Variants in AK9 observed in about 807,000 individuals in gnomAD.
AK9 encodes the protein adenylate kinase 9, also known as adenylate kinase domain containing 1.
AK9 carries 191 observed loss-of-function variants against 239.6 expected under a neutral mutation model. The observed-to-expected ratio is 0.80, with a 90% CI of 0.71 to 0.90. The LOEUF is 0.90. Among genes scored for constraint, AK9 ranks in the 40% least tolerant of loss-of-function variants. AK9 has a pLI of 0.00. For missense variants in AK9, 1,995 were observed against 2,214.7 expected (o/e 0.90, Z 1.99); for synonymous variants, 689 against 721.0 (o/e 0.96, Z 0.71).
At chr6:109,590,628 ATCTT>A (rs1249890937) in intron 17 of AK9, among the ~76,000 whole-genome samples, 5 of 151,842 alleles carry the variant, frequency 3.3e-5, no homozygotes, top group African/African-American at 1.2e-4. Context: ...TTAATTTGAG[ATCTT>A]TCTATCTTTT....
At chr6:109,627,825 G>A (rs1042020784) in intron 12 of AK9, among the ~76,000 whole-genome samples, 3 of 152,136 alleles carry the variant, frequency 2.0e-5, no homozygotes, top group South Asian at 2.1e-4. Context: ...GCTAATTTTC[G>A]TATTTGTAGA....
chr6:109,659,849 A>G (rs560155958), intron 6 of AK9, among the ~76,000 whole-genome samples: 1 of 152,226 alleles, frequency 6.6e-6, no homozygotes, highest in Non-Finnish European at 1.5e-5. Context: ...TATCACTTAC[A>G]GCTTTATGGG....
chr6:109,597,610 T>G (rs1377706708), intron 17 of AK9, among the ~76,000 whole-genome samples: 1 of 152,090 alleles, frequency 6.6e-6, no homozygotes. Flanking sequence ...GAGGCGGAGC[T>G]TGCAGTGAGC....
intron 26 of AK9, among the ~76,000 whole-genome samples, chr6:109,544,329 A>G (rs961946995): frequency 2.0e-5 from 3 of 152,174 alleles, no homozygotes; most frequent in Non-Finnish European, 4.4e-5. Context: ...GAAGCCATGT[A>G]AGAGGTTAAT....
intron 24 of AK9, among the ~76,000 whole-genome samples, chr6:109,555,900 T>C (rs1784962138): frequency 6.6e-6 from 1 of 152,222 alleles, no homozygotes; most frequent in African/African-American, 2.4e-5. Context: ...CCTGTGTGTA[T>C]CTTTGCATGT....
At chr6:109,638,652 T>A (rs969655372) in intron 10 of AK9, among the ~76,000 whole-genome samples, 9 of 152,038 alleles carry the variant, frequency 5.9e-5, no homozygotes, top group Admixed American at 2.6e-4. Flanking sequence ...GTTAATTTTT[T>A]AAAAAAATTT....
chr6:109,648,545 A>C (rs1798422049), intron 8 of AK9, among the ~76,000 whole-genome samples: 1 of 152,242 alleles, frequency 6.6e-6, no homozygotes, highest in Non-Finnish European at 1.5e-5. Context: ...AACCAGGAAG[A>C]AGTTGAATCT....
Position 109,573,442 on chromosome 6 carries a change from C to G in AK9, c.2344G>C (p.Val782Leu). Residue 782 changes from valine to leucine, a missense_variant and splice_region_variant, in exon 21 of 41, where the codon GTA (valine) becomes CTA (leucine). Around this residue, in one of 5 missense-constraint regions of AK9, gnomAD observed 1,290 missense variants for 1,392.7 expected, o/e 0.93. Coordinates refer to ENST00000424296, the MANE Select transcript of AK9 (RefSeq NM_001145128.3). ...GAACTTGCTATCAATAAAGTCTAACCTGCTTCAGGCTCAGTTTCAGGGACC... is the reference window on the plus strand; with the variant it reads ...GAACTTGCTATCAATAAAGTCTAACGTGCTTCAGGCTCAGTTTCAGGGACC... ...SEVPETEPEA[V>L]SEPIEETTVE... The G allele has an allele frequency of 6.5e-7, 1 of 1,545,300 alleles. No homozygotes were observed. The highest frequency in any genetic ancestry group is 1.7e-4 in the Middle Eastern group (1 of 5,914).
intron 12 of AK9, among the ~76,000 whole-genome samples, chr6:109,626,996 T>C (rs1380269374): frequency 6.6e-6 from 1 of 152,116 alleles, no homozygotes; most frequent in African/African-American, 2.4e-5. Context: ...CTTTTTTACT[T>C]TATAAACTTC....
At chr6:109,500,475 CTTA>C (rs1298160861) in intron 35 of AK9, among the ~76,000 whole-genome samples, 1 of 152,118 alleles carries the variant, frequency 6.6e-6, no homozygotes, top group Non-Finnish European at 1.5e-5. Flanking sequence ...AATGAGTGGA[CTTA>C]TTATAGCCAG....
At chr6:109,614,632 T>C (rs1167077328) in intron 13 of AK9, among the ~76,000 whole-genome samples, 152 bp from the exon 14 acceptor site, 30 of 152,212 alleles carry the variant, frequency 2.0e-4, no homozygotes, top group Admixed American at 1.9e-3. Context: ...GGTAAATCAC[T>C]TGATCTTTTT....
intron 12 of AK9, among the ~76,000 whole-genome samples, chr6:109,620,562 G>A (rs184047956): frequency 2.8e-3 from 426 of 152,010 alleles, no homozygotes; most frequent in African/African-American, 9.9e-3. Context: ...TTAAAAATAG[G>A]ATTCTATGTG....
Position 109,493,532 on chromosome 6 carries a change from T to C in AK9, c.5573A>G (p.Tyr1858Cys). ...CATAAACTGCTCCATCTTCTTCTTA[T>C]ACTTTTTTCTTGTGTATTCGGAACC... is the stretch of plus-strand genomic sequence containing the variant. ...PKGSEYTRKK[Y>C]KKKMEQFMES... The change falls in exon 41 of 41, where the codon TAT becomes TGT. Residue 1858 changes from tyrosine (Y) to cysteine (C), a missense_variant. This residue lies in a region of AK9 where 391 missense variants were observed against 456.0 expected (regional missense o/e 0.86). Transcript: ENST00000424296. 5 of 1,614,082 alleles carry C rather than the reference T, an allele frequency of 3.1e-6. No individual in the cohort carries two copies. Among genetic ancestry groups the C allele is most frequent in the Non-Finnish European group, 3.4e-6 (4 of 1,180,016 alleles).
In AK9 at chr6:109,614,300, C is replaced by T; in HGVS notation, c.1496-4G>A. 1 of 1,550,932 alleles carries T rather than the reference C, an allele frequency of 6.4e-7. No homozygotes were observed. The highest frequency in any genetic ancestry group is 8.7e-7 in the Non-Finnish European group (1 of 1,146,418). On this transcript the variant is annotated splice_region_variant and splice_polypyrimidine_tract_variant and intron_variant, in intron 14 of 40. Coordinates refer to ENST00000424296, the MANE Select transcript of AK9 (RefSeq NM_001145128.3). ...CTTTGGGAGCCTTGAATGTACCCTG[C>T]AATGAAAGAATAATATACTTTATCA...
At chr6:109,641,165 T>A (rs1583380042) in intron 10 of AK9, among the ~76,000 whole-genome samples, 1 of 147,418 alleles carries the variant, frequency 6.8e-6, no homozygotes, top group East Asian at 2.0e-4. Flanking sequence ...ATATACATTT[T>A]TATATATATA....
At position 109,550,044 on chromosome 6, in the gene AK9, A is replaced by G. The variant is rs370287353; in HGVS notation, c.2964+46T>C. ...TGATGGTGATTGGTAATCAGTCCCA[A>G]AAAAATCCTGTGGGAGCAATCATTA... On this transcript the variant is annotated intron_variant, in intron 25 of 40. Transcript: ENST00000424296. The G allele has an allele frequency of 9.7e-4, 1,545 of 1,585,896 alleles. 4 individuals are homozygous for G. The highest frequency in any genetic ancestry group is 1.0e-3 in the Non-Finnish European group (1,176 of 1,162,044).
rs148448147 is a variant in AK9 at position 109,641,603 on chromosome 6, C to T, written c.848G>A (p.Arg283Gln). The change falls in exon 10 of 41, where the codon CGA becomes CAA. Residue 283 changes from arginine to glutamine, a missense_variant. Arg to Gln is a conservative substitution (Grantham distance 43). Transcript: ENST00000424296. The stretch of plus-strand genomic sequence containing the variant: ...TCTTTTTAGGTTCAGATATTTAAGT[C>T]GATCCATAACAATCTAGATTTAAAG... ...AEELFMIVMD[R>Q]LKYLNLKRAA... 349 of 1,611,362 alleles carry T rather than the reference C, an allele frequency of 2.2e-4. 2 individuals carry two copies. In the African/African-American group the frequency reaches 3.5e-3, roughly 16 times the overall value.
At chr6:109,625,745 G>A (rs1176812724) in intron 12 of AK9, among the ~76,000 whole-genome samples, 3 of 152,196 alleles carry the variant, frequency 2.0e-5, no homozygotes, top group Non-Finnish European at 4.4e-5. Context: ...AAAGGTTGGG[G>A]ACTGCTGCTT....
chr6:109,690,307 C>A (rs763644684), intron 1 of AK9, among the ~76,000 whole-genome samples: 8 of 152,322 alleles, frequency 5.3e-5, no homozygotes, highest in Admixed American at 2.0e-4. Flanking sequence ...ATACTTCAGT[C>A]GTTGAAAGGA....
Sources: gnomAD v4.1 joint callset for allele counts (sites outside exome capture counted in the v4.1 genomes callset) on GRCh38, gnomAD v4.1.1 for gene constraint, gnomAD v4.1.1 regional missense constraint, MANE v1.5 for transcripts, NCBI Gene and HGNC (gene_info 2026-07-23, HGNC 2026-07-21) for gene names.